The following ITGA9 variants were observed in gnomAD, a reference collection of about 807,000 sequenced individuals.
ITGA9 encodes the protein integrin subunit alpha 9, also known as integrin alpha-9.
In ITGA9, 56 loss-of-function variants were observed where a neutral mutation model predicts 127.8. The ratio of observed to expected loss-of-function variants is 0.44; its 90% confidence interval spans 0.35 to 0.55. The LOEUF (loss-of-function observed/expected upper bound fraction) is 0.55, where lower values mean the gene tolerates loss of function less well. ITGA9 is among the 20% of genes least tolerant of loss of function. ITGA9 has a pLI of 0.00. For synonymous variants in ITGA9, 508 were observed against 514.5 expected (o/e 0.99, Z 0.17); for missense variants, 1,196 against 1,347.1 (o/e 0.89, Z 1.76).
intron 6 of ITGA9, 112 bp from the exon 7 acceptor site, chr3:37,505,888 T>G: frequency 1.2e-6 from 1 of 809,194 alleles, no homozygotes; most frequent in Non-Finnish European, 2.1e-6. Flanking sequence ...CCTGGTAGTT[T>G]ATGTTCCAAG....
At chr3:37,689,154 T>C (rs1385444536) in intron 18 of ITGA9, among the ~76,000 whole-genome samples, 1 of 152,238 alleles carries the variant, frequency 6.6e-6, no homozygotes, top group Non-Finnish European at 1.5e-5. Flanking sequence ...CTATCTTCTC[T>C]GTCATCACAC....
intron 16 of ITGA9, among the ~76,000 whole-genome samples, chr3:37,638,247 T>C (rs1294442125): frequency 6.6e-6 from 1 of 152,038 alleles, no homozygotes; most frequent in African/African-American, 2.4e-5. Context: ...TGGGTAATAA[T>C]GAGTAATAAT....
At chr3:37,637,989 A>G (rs1176700198) in intron 16 of ITGA9, among the ~76,000 whole-genome samples, 2 of 152,196 alleles carry the variant, frequency 1.3e-5, no homozygotes, top group African/African-American at 2.4e-5. Context: ...CCGTGTTTTA[A>G]CAAGATGGCT....
chr3:37,712,927 A>G (rs1044698900), intron 18 of ITGA9, among the ~76,000 whole-genome samples: 7 of 152,168 alleles, frequency 4.6e-5, no homozygotes, highest in Non-Finnish European at 1.0e-4. Flanking sequence ...TCATTTACCA[A>G]TGAAGTGTTG....
intron 17 of ITGA9, among the ~76,000 whole-genome samples, chr3:37,670,582 G>C (rs543401494): frequency 1.3e-4 from 20 of 152,268 alleles, no homozygotes; most frequent in Admixed American, 1.2e-3. Flanking sequence ...GTCCCAAATA[G>C]AAATCACAGG....
At chr3:37,772,308 T>C (rs906404778) in intron 23 of ITGA9, among the ~76,000 whole-genome samples, 25 of 151,772 alleles carry the variant, frequency 1.6e-4, no homozygotes, top group Non-Finnish European at 3.2e-4. Flanking sequence ...CTGGGGAGGG[T>C]GAGGCAGGAG....
At chr3:37,766,058 A>G (rs761203555) in intron 23 of ITGA9, among the ~76,000 whole-genome samples, 11 of 152,244 alleles carry the variant, frequency 7.2e-5, no homozygotes, top group Non-Finnish European at 1.0e-4. Flanking sequence ...GAGCCTTGCC[A>G]TGGCAGGGGT....
intron 23 of ITGA9, among the ~76,000 whole-genome samples, chr3:37,766,527 TA>T (rs1255879910): frequency 6.6e-6 from 1 of 152,138 alleles, no homozygotes; most frequent in African/African-American, 2.4e-5. Context: ...TACCCTTTGA[TA>T]AAAGGGAACT....
intron 9 of ITGA9, among the ~76,000 whole-genome samples, chr3:37,516,955 A>T (rs1054480095): frequency 6.6e-6 from 1 of 152,188 alleles, no homozygotes; most frequent in African/African-American, 2.4e-5. Context: ...AATAATAGGC[A>T]CAGTGACGTC....
At position 37,589,783 on chromosome 3, in the gene ITGA9, G is replaced by C. The variant is rs547632499; in HGVS notation, c.1690-39404G>C. Among the ~76,000 whole-genome samples the C allele has an allele frequency of 2.0e-5, 3 of 152,314 alleles. No individual in the cohort carries two copies. In the South Asian group the frequency reaches 6.2e-4, roughly 32 times the overall value. On this transcript the variant is annotated intron_variant, in intron 15 of 27. Coordinates refer to ENST00000264741, the MANE Select transcript of ITGA9 (RefSeq NM_002207.3). ...AGCAGAATGAGGGTGTAGGTATTAA[G>C]AGACGAGGTCAGAGACATGACAGAG...
At chr3:37,570,969 T>A (rs1036657149) in intron 15 of ITGA9, among the ~76,000 whole-genome samples, 1 of 152,230 alleles carries the variant, frequency 6.6e-6, no homozygotes, top group Non-Finnish European at 1.5e-5. Context: ...CATTCTCCAA[T>A]TGCTTAAGAC....
intron 18 of ITGA9, among the ~76,000 whole-genome samples, chr3:37,731,024 C>T (rs1173379596): frequency 3.9e-5 from 6 of 152,250 alleles, no homozygotes; most frequent in South Asian, 4.2e-4. Context: ...CTCTGGCAGC[C>T]AGCCAAATGG....
At chr3:37,691,144 G>A (rs1405090259) in intron 18 of ITGA9, among the ~76,000 whole-genome samples, 2 of 152,204 alleles carry the variant, frequency 1.3e-5, no homozygotes, top group African/African-American at 4.8e-5. Context: ...ATAGCCCCTG[G>A]CAGCTGGAAG....
At position 37,538,195 on chromosome 3, in the gene ITGA9, C is replaced by T. The variant is rs542499278; in HGVS notation, c.1529-4230C>T. Among the ~76,000 whole-genome samples the T allele has an allele frequency of 3.9e-5, 6 of 152,276 alleles. No individual in the cohort carries two copies. The South Asian group carries it at 8.3e-4, about 21-fold the overall frequency. On this transcript the variant is annotated intron_variant, in intron 14 of 27. Coordinates refer to ENST00000264741, the MANE Select transcript of ITGA9 (RefSeq NM_002207.3). ...GTGTTTCCATGGTTAGCCTGAAACT[C>T]GGGAAGGAGAATTTGTTAGAATTTC...
intron 15 of ITGA9, among the ~76,000 whole-genome samples, chr3:37,596,672 G>C (rs1699874012): frequency 6.6e-6 from 1 of 152,160 alleles, no homozygotes; most frequent in Admixed American, 6.5e-5. Context: ...TACCTTAGGT[G>C]ACCCTAGGGA....
In ITGA9 at chr3:37,486,296, G is replaced by A. The variant is rs963580044; in HGVS notation, c.544+4689G>A. Among the ~76,000 whole-genome samples the A allele has an allele frequency of 2.0e-5, 3 of 152,184 alleles. No individual in the cohort carries two copies. In the South Asian group the frequency reaches 6.2e-4, roughly 32 times the overall value. ...ATGCAAGAGGTAATTATGATGCCAT[G>A]GTATGTTAGACCTAAATTGTGGAAT... is the stretch of plus-strand genomic sequence containing the variant. On this transcript the variant is annotated intron_variant, in intron 4 of 27. Transcript: ENST00000264741.
intron 15 of ITGA9, among the ~76,000 whole-genome samples, chr3:37,589,817 G>C (rs1027456249): frequency 1.3e-5 from 2 of 152,172 alleles, no homozygotes; most frequent in Non-Finnish European, 2.9e-5. Flanking sequence ...AGGCCTGACC[G>C]TGTAGGGCCT....
intron 13 of ITGA9, among the ~76,000 whole-genome samples, chr3:37,530,998 G>A (rs7427249): frequency 0.58 from 88,539 of 151,356 alleles, 26,308 homozygotes; most frequent in East Asian, 0.82. Context: ...TGATCCACCC[G>A]CCTCAGCCTC....
At chr3:37,492,577 A>G (rs1300897252) in intron 4 of ITGA9, among the ~76,000 whole-genome samples, 2 of 152,164 alleles carry the variant, frequency 1.3e-5, no homozygotes, top group Non-Finnish European at 2.9e-5. Context: ...CAAATCTCCC[A>G]TTTTTTGGAG....
Sources: allele counts gnomAD v4.1 joint callset (sites outside exome capture counted in the v4.1 genomes callset), GRCh38; gene constraint gnomAD v4.1.1; transcripts MANE v1.5; gene names NCBI Gene and HGNC (gene_info 2026-07-23, HGNC 2026-07-21).